Variants in OTOGL observed in about 807,000 individuals in gnomAD.
The protein encoded by OTOGL is otogelin-like protein.
OTOGL carries 285 observed loss-of-function variants against 318.5 expected under a neutral mutation model. That is an observed-to-expected ratio of 0.89 (90% CI 0.81 to 0.99). OTOGL has a LOEUF of 0.99. Among genes scored for constraint, OTOGL ranks in the 50% least tolerant of loss-of-function variants. The pLI is 0.00. For synonymous variants in OTOGL, 987 were observed against 936.5 expected (o/e 1.05, Z -0.99); for missense variants, 2,899 against 2,845.6 (o/e 1.02, Z -0.43).
intron 1 of OTOGL, among the ~76,000 whole-genome samples, chr12:80,207,930 G>T (rs1008970449): frequency 6.6e-6 from 1 of 152,124 alleles, no homozygotes; most frequent in Non-Finnish European, 1.5e-5. Flanking sequence ...AATTATGTTA[G>T]ATTTATATGA....
intron 44 of OTOGL, among the ~76,000 whole-genome samples, 168 bp downstream of exon 44, chr12:80,342,330 A>G (rs1888834655): frequency 6.6e-6 from 1 of 152,238 alleles, no homozygotes; most frequent in Non-Finnish European, 1.5e-5. Flanking sequence ...AGGCTTACAA[A>G]CACAAGAAGG....
At position 80,320,524 on chromosome 12, in the gene OTOGL, C is replaced by T; in HGVS notation, c.3905C>T (p.Ala1302Val). 1 of 1,613,580 alleles carries T rather than the reference C, an allele frequency of 6.2e-7. No individual in the cohort carries two copies. Among genetic ancestry groups the T allele is most frequent in the Non-Finnish European group, 8.5e-7 (1 of 1,179,720 alleles). The change falls in exon 34 of 59, where the codon GCC (alanine) becomes GTC (valine). Residue 1302 changes from alanine to valine, a missense_variant. Around this residue, in one of 3 missense-constraint regions of OTOGL, gnomAD observed 2,607 missense variants for 2,524.9 expected, o/e 1.03. Coordinates refer to ENST00000547103, the MANE Select transcript of OTOGL (RefSeq NM_001378609.3). ...TTGGAGCTGTGGGAGGCGAATTCAG[C>T]CTTTCATCGGAGAGCAACATTTTTC... ...LSLELWEANSAFHRRATFFHH... is the reference protein window; with the variant it reads ...LSLELWEANSVFHRRATFFHH...
rs1881619742 is a variant in OTOGL, at chr12:80,252,138, A to T, written c.1222A>T (p.Thr408Ser). 6.3e-7 allele frequency: 1 copy of T among 1,578,630 alleles called. No individual in the cohort carries two copies. Among genetic ancestry groups the T allele is most frequent in the Non-Finnish European group, 8.6e-7 (1 of 1,160,122 alleles). ...TATCAGTTGTTGTCCACCAACCTGC[A>T]CATTTGAGAAGCAATGTCTTGGGAG... ...DCISCCPPTC[T>S]FEKQCLGSNL... is the part of the protein sequence containing the mutation. Residue 408 changes from threonine (T) to serine (S), a missense_variant, in exon 13 of 59, where the codon ACA becomes TCA. Around this residue, in one of 3 missense-constraint regions of OTOGL, gnomAD observed 2,607 missense variants for 2,524.9 expected, o/e 1.03. Transcript: ENST00000547103.
At chr12:80,242,309 T>C (rs1449381531) in intron 11 of OTOGL, among the ~76,000 whole-genome samples, 1 of 152,200 alleles carries the variant, frequency 6.6e-6, no homozygotes, top group Non-Finnish European at 1.5e-5. Flanking sequence ...CAACTTGTGC[T>C]GGCTGAAATC....
chr12:80,108,936 G>GTATA (rs199972356), intron 1 of OTOGL, among the ~76,000 whole-genome samples: 2,634 of 128,170 alleles, frequency 0.021, 63 homozygotes, highest in South Asian at 0.03. Context: ...ATATGTGTGT[G>GTATA]TATATATATA....
At chr12:80,226,599 T>C (rs1381269111) in intron 7 of OTOGL, among the ~76,000 whole-genome samples, 1 of 152,170 alleles carries the variant, frequency 6.6e-6, no homozygotes, top group Non-Finnish European at 1.5e-5. Context: ...ACTTGGGTTT[T>C]CTTTTTGTCA....
At chr12:80,111,351 G>T (rs1869826154) in intron 1 of OTOGL, among the ~76,000 whole-genome samples, 1 of 152,114 alleles carries the variant, frequency 6.6e-6, no homozygotes, top group Non-Finnish European at 1.5e-5. Context: ...GTATTGCTTA[G>T]GTTTTCTTCT....
chr12:80,233,039 A>G lies in OTOGL; in HGVS notation c.759A>G (p.Ser253=). ...TGTCTGAGGACCATAAGGGGAAATC[A>G]TGTGGCCTATGTGGAAACTACAATG... ...LKLSEDHKGK[S]CGLCGNYNDI... Residue 253 remains serine, a synonymous_variant, in exon 9 of 59, where the codon TCA becomes TCG. Transcript: ENST00000547103. The G allele has an allele frequency of 1.9e-6, 3 of 1,598,518 alleles. No homozygotes were observed. The highest frequency in any genetic ancestry group is 2.5e-6 in the Non-Finnish European group (3 of 1,178,892).
At chr12:80,161,594 T>C (rs1363298341) in intron 1 of OTOGL, among the ~76,000 whole-genome samples, 1 of 152,026 alleles carries the variant, frequency 6.6e-6, no homozygotes, top group East Asian at 1.9e-4. Flanking sequence ...ATCTATAGTA[T>C]TTGGTAATTA....
chr12:80,257,326 A>G (rs970447106), intron 17 of OTOGL, among the ~76,000 whole-genome samples: 2 of 150,124 alleles, frequency 1.3e-5, no homozygotes, highest in African/African-American at 4.9e-5. Context: ...TTTTTGGTAC[A>G]TGACTATGAC....
rs759297035 is a variant in OTOGL, at chr12:80,251,734, A to G, written c.1094A>G (p.Tyr365Cys). 7 of 1,596,170 alleles carry G rather than the reference A, an allele frequency of 4.4e-6. No individual in the cohort carries two copies. The highest frequency in any genetic ancestry group is 1.7e-5 in the Admixed American group (1 of 57,554). Residue 365 changes from tyrosine (Y) to cysteine (C), a missense_variant, in exon 12 of 59, where the codon TAT becomes TGT. By Grantham distance (194) the Tyr-to-Cys change is radical (BLOSUM62 -2). Coordinates refer to ENST00000547103, the MANE Select transcript of OTOGL (RefSeq NM_001378609.3). ...DETYCRAATE[Y>C]ARACSHAGYP... ...ACCTATTGCCGAGCAGCCACTGAGT[A>G]TGCTAGAGCCTGCTCTCATGCTGGC... is the stretch of plus-strand genomic sequence containing the variant.
intron 1 of OTOGL, among the ~76,000 whole-genome samples, chr12:80,147,966 G>C (rs1261605796): frequency 6.6e-6 from 1 of 152,062 alleles, no homozygotes; most frequent in Non-Finnish European, 1.5e-5. Flanking sequence ...CGTGAGATGG[G>C]TTTCCTGAAT....
At chr12:80,153,384 C>A (rs1475605794) in intron 1 of OTOGL, among the ~76,000 whole-genome samples, 1 of 152,182 alleles carries the variant, frequency 6.6e-6, no homozygotes, top group Non-Finnish European at 1.5e-5. Flanking sequence ...AAAGGCTCCA[C>A]CTCCTGAGAC....
chr12:80,347,722 A>G (rs1194778944), intron 44 of OTOGL, among the ~76,000 whole-genome samples: 1 of 151,970 alleles, frequency 6.6e-6, no homozygotes, highest in Non-Finnish European at 1.5e-5. Flanking sequence ...TTATTGAACT[A>G]ATTTACACTC....
intron 1 of OTOGL, among the ~76,000 whole-genome samples, chr12:80,125,170 G>C (rs1870743757): frequency 6.6e-6 from 1 of 152,148 alleles, no homozygotes; most frequent in Admixed American, 6.5e-5. Flanking sequence ...TATTGGCTGT[G>C]GGTTTGTCAT....
chr12:80,188,537 C>CAAAAAA (rs1188831194), intron 1 of OTOGL, among the ~76,000 whole-genome samples: 6 of 144,864 alleles, frequency 4.1e-5, no homozygotes, highest in African/African-American at 1.3e-4. Context: ...GACTCTGTCT[C>CAAAAAA]AAAAAAAAAA....
intron 7 of OTOGL, among the ~76,000 whole-genome samples, chr12:80,222,842 T>G (rs1188292879): frequency 6.6e-6 from 1 of 152,192 alleles, no homozygotes; most frequent in Non-Finnish European, 1.5e-5. Context: ...TTTACTTACG[T>G]TGGGGCTGCC....
intron 26 of OTOGL, among the ~76,000 whole-genome samples, chr12:80,281,409 G>A (rs184525472): frequency 5.3e-5 from 8 of 151,912 alleles, no homozygotes; most frequent in Admixed American, 1.3e-4. Context: ...TATGAAGGAT[G>A]TTGAATTTTA....
intron 22 of OTOGL, among the ~76,000 whole-genome samples, chr12:80,268,129 T>C (rs1457167117): frequency 1.3e-5 from 2 of 152,180 alleles, no homozygotes; most frequent in Admixed American, 1.3e-4. Context: ...GGCACGTCCA[T>C]GCAGCAGTCC....
Sources: gnomAD v4.1 joint callset for allele counts (sites outside exome capture counted in the v4.1 genomes callset) on GRCh38, gnomAD v4.1.1 for gene constraint, gnomAD v4.1.1 regional missense constraint, MANE v1.5 for transcripts, NCBI Gene and HGNC (gene_info 2026-07-23, HGNC 2026-07-21) for gene names.